GUCY1A1: variants seen among roughly 807,000 people sequenced by gnomAD.
GUCY1A1 encodes the protein guanylate cyclase soluble subunit alpha-1.
A neutral mutation model predicts 64.5 loss-of-function variants in GUCY1A1; 48 were observed. The observed-to-expected ratio is 0.74, with a 90% CI of 0.59 to 0.95. GUCY1A1 has a LOEUF of 0.95. GUCY1A1 is among the 40% of genes least tolerant of loss of function. GUCY1A1 has a pLI of 0.00. For synonymous variants in GUCY1A1, 308 were observed against 303.4 expected, an observed-to-expected ratio of 1.02 and a Z score of -0.16; for missense variants, 804 against 825.3, an observed-to-expected ratio of 0.97 and a Z score of 0.32.
At chr4:155,693,339 A>G (rs1055197529) in intron 2 of GUCY1A1, among the ~76,000 whole-genome samples, 1 of 152,180 alleles carries the variant, frequency 6.6e-6, no homozygotes, top group African/African-American at 2.4e-5. Flanking sequence ...GCCTGTCGCC[A>G]AATTTATTAT....
At chr4:155,684,438 T>C (rs565552015) in intron 2 of GUCY1A1, among the ~76,000 whole-genome samples, 5 of 152,330 alleles carry the variant, frequency 3.3e-5, no homozygotes, top group East Asian at 1.9e-4. Context: ...AGGATCTGTG[T>C]CCCAGTGTTA....
chr4:155,713,249 T>G lies in GUCY1A1; in HGVS notation c.1238T>G (p.Val413Gly). ...IPIHNALRDV[V>G]LIGEQARAQD... ...ATTCACAATGCACTGAGGGATGTGG[T>G]CTTAATAGGGGAACAAGCCCGAGCT... Residue 413 changes from valine to glycine, a missense_variant, in exon 7 of 10, where the codon GTC (valine) becomes GGC (glycine). By Grantham distance (109) the Val-to-Gly change is moderately radical (BLOSUM62 -3). Coordinates refer to ENST00000506455, the MANE Select transcript of GUCY1A1 (RefSeq NM_001130682.3). The G allele has an allele frequency of 1.9e-6, 3 of 1,614,072 alleles. No individual in the cohort carries two copies. The highest frequency in any genetic ancestry group is 2.5e-6 in the Non-Finnish European group (3 of 1,179,978).
chr4:155,722,776 C>G (rs1734138991), intron 9 of GUCY1A1, among the ~76,000 whole-genome samples: 1 of 152,116 alleles, frequency 6.6e-6, no homozygotes, highest in African/African-American at 2.4e-5. Context: ...TCAGAACCAA[C>G]CAAATGAAGA....
In GUCY1A1 at chr4:155,710,596, G is replaced by A. The variant is rs1732427325; in HGVS notation, c.431G>A (p.Cys144Tyr). 6.2e-7 allele frequency: 1 copy of A among 1,612,920 alleles called. No individual in the cohort carries two copies. Among genetic ancestry groups the A allele is most frequent in the African/African-American group, 1.3e-5 (1 of 74,808 alleles). ...CTTGGTGAAGAGGTTTTTAAAATATGTTACGAGGAAGATGAAAACATCCTT... is the reference window on the plus strand; with the variant it reads ...CTTGGTGAAGAGGTTTTTAAAATATATTACGAGGAAGATGAAAACATCCTT... ...ESLGEEVFKI[C>Y]YEEDENILGV... The change falls in exon 6 of 10, where the codon TGT becomes TAT. Residue 144 changes from cysteine to tyrosine, a missense_variant. Coordinates refer to ENST00000506455, the MANE Select transcript of GUCY1A1 (RefSeq NM_001130682.3).
chr4:155,713,660 T>C (rs1732880041), intron 7 of GUCY1A1, 77 bp downstream of exon 7: 1 of 1,503,690 alleles, frequency 6.7e-7, no homozygotes, highest in African/African-American at 1.4e-5. Flanking sequence ...GGACCTGAAT[T>C]ATAATGCAAC....
rs928616841 is a variant in GUCY1A1, at chr4:155,705,486, G to A, written c.317+1493G>A. Among the ~76,000 whole-genome samples, 21 of 143,892 alleles carry A rather than the reference G, an allele frequency of 1.5e-4. 1 individual carries two copies. The highest frequency in any genetic ancestry group is 3.0e-5 in the Non-Finnish European group (2 of 67,108). 94.4% of individuals were successfully genotyped at this position (143,892 alleles called of 152,430 possible). On this transcript the variant is annotated intron_variant, in intron 4 of 9. Transcript: ENST00000506455. ...ACCCAGGAGACAGAGGTTGCAGTGA[G>A]CCAAGATTGTGCCACTGCACTCCAG...
chr4:155,689,716 G>T (rs1729483583), intron 2 of GUCY1A1, among the ~76,000 whole-genome samples: 1 of 152,128 alleles, frequency 6.6e-6, no homozygotes, highest in Non-Finnish European at 1.5e-5. Context: ...TTTAAATAAA[G>T]ATTTAATGCA....
intron 8 of GUCY1A1, among the ~76,000 whole-genome samples, chr4:155,721,821 C>T (rs1201634356): frequency 6.6e-6 from 1 of 152,018 alleles, no homozygotes; most frequent in Non-Finnish European, 1.5e-5. Flanking sequence ...TGTAATAAAC[C>T]TAAATGGAAA....
intron 3 of GUCY1A1, 104 bp from the exon 4 acceptor site, chr4:155,703,828 G>A (rs1731396687): frequency 1.4e-6 from 1 of 719,470 alleles, no homozygotes; most frequent in Non-Finnish European, 2.4e-6. Flanking sequence ...TGTATAATGT[G>A]CTTTATTCTC....
At chr4:155,712,293 G>A (rs1252151043) in intron 6 of GUCY1A1, among the ~76,000 whole-genome samples, 5 of 152,068 alleles carry the variant, frequency 3.3e-5, no homozygotes, top group African/African-American at 7.2e-5. Context: ...CACCACATCC[G>A]GCTAATTTTT....
chr4:155,719,942 T>G (rs1408054314), intron 8 of GUCY1A1, among the ~76,000 whole-genome samples: 3 of 152,194 alleles, frequency 2.0e-5, no homozygotes, highest in Non-Finnish European at 4.4e-5. Flanking sequence ...CAGGGAAGTC[T>G]GTTACCAGTG....
At chr4:155,722,274 TTCA>T in intron 9 of GUCY1A1, 82 bp downstream of exon 9, 1 of 1,519,492 alleles carries the variant, frequency 6.6e-7, no homozygotes, top group Non-Finnish European at 8.8e-7. Flanking sequence ...TGATTCATTC[TTCA>T]TAACTTTTTT....
rs538555308 is a variant in GUCY1A1, at chr4:155,693,906, GT to G, written c.-112-2848del. Among the ~76,000 whole-genome samples, 196 of 152,244 alleles carry G rather than the reference GT, an allele frequency of 1.3e-3. 1 individual carries two copies. Among genetic ancestry groups the G allele is most frequent in the African/African-American group, 4.4e-3 (183 of 41,536 alleles). On this transcript the variant is annotated intron_variant, in intron 2 of 9. Coordinates refer to ENST00000506455, the MANE Select transcript of GUCY1A1 (RefSeq NM_001130682.3). Reference sequence around the variant, plus strand: ...GTTGAAATCCAATGTGAATGAGAGAGTTAAGTTTAATGGAAAGATCTATTAT... The same window carrying G: ...GTTGAAATCCAATGTGAATGAGAGAGTAAGTTTAATGGAAAGATCTATTAT...
chr4:155,672,680 C>G (rs934507357), intron 2 of GUCY1A1, among the ~76,000 whole-genome samples: 2 of 152,138 alleles, frequency 1.3e-5, no homozygotes, highest in Non-Finnish European at 2.9e-5. Flanking sequence ...TTTTAATCAT[C>G]TCTTTGGAAT....
At chr4:155,682,394 C>A (rs939123848) in intron 2 of GUCY1A1, among the ~76,000 whole-genome samples, 1 of 152,002 alleles carries the variant, frequency 6.6e-6, no homozygotes, top group Non-Finnish European at 1.5e-5. Flanking sequence ...TAAGAAAATT[C>A]GACTGGGCAC....
At chr4:155,719,446 A>T (rs2126924386) in intron 8 of GUCY1A1, among the ~76,000 whole-genome samples, 1 of 152,286 alleles carries the variant, frequency 6.6e-6, no homozygotes, top group Middle Eastern at 3.4e-3. Flanking sequence ...CTACACTGGC[A>T]GACACGAGCA....
chr4:155,713,780 CA>C (rs1217811813), intron 7 of GUCY1A1, among the ~76,000 whole-genome samples, 197 bp downstream of exon 7: 3 of 152,074 alleles, frequency 2.0e-5, no homozygotes, highest in Non-Finnish European at 2.9e-5. Context: ...TGCCCAGAAA[CA>C]GAGATAATTG....
intron 2 of GUCY1A1, among the ~76,000 whole-genome samples, chr4:155,688,721 G>A (rs7356332): frequency 1.1e-4 from 16 of 151,770 alleles, no homozygotes. Context: ...AAAAATAAAA[G>A]GACTTAGGGA....
chr4:155,715,287 A>G (rs1733081928), intron 7 of GUCY1A1, among the ~76,000 whole-genome samples: 1 of 152,182 alleles, frequency 6.6e-6, no homozygotes, highest in South Asian at 2.1e-4. Context: ...ATGAGTGCCA[A>G]TGGCTTTGAA....
Sources: gnomAD v4.1 joint callset for allele counts (sites outside exome capture counted in the v4.1 genomes callset) on GRCh38, gnomAD v4.1.1 for gene constraint, MANE v1.5 for transcripts, NCBI Gene and HGNC (gene_info 2026-07-23, HGNC 2026-07-21) for gene names.